Variants in ZNF804B observed in about 807,000 individuals in gnomAD.
ZNF804B encodes zinc finger 804B.
Under a neutral mutation model 101.4 loss-of-function variants are expected in ZNF804B, and 80 were observed. The ratio of observed to expected loss-of-function variants is 0.79; its 90% CI spans 0.66 to 0.95. ZNF804B has a LOEUF of 0.95. Ranked by LOEUF, ZNF804B falls within the 40% of genes least tolerant of loss-of-function variation. The pLI, the probability that ZNF804B is intolerant of heterozygous loss-of-function variation, is 0.00. For synonymous variants in ZNF804B, 622 were observed against 558.8 expected (o/e 1.11, Z -1.59); for missense variants, 1,673 against 1,561.9 (o/e 1.07, Z -1.20).
intron 1 of ZNF804B, among the ~76,000 whole-genome samples, chr7:88,786,454 G>A (rs574520825): frequency 6.6e-6 from 1 of 152,108 alleles, no homozygotes; most frequent in Non-Finnish European, 1.5e-5. Context: ...TCTCTTTACT[G>A]AATGCAGATA....
chr7:88,836,117 TG>T (rs1365159632), intron 1 of ZNF804B, among the ~76,000 whole-genome samples: 1 of 151,996 alleles, frequency 6.6e-6, no homozygotes, highest in African/African-American at 2.4e-5. Context: ...GGTGATCCTT[TG>T]ATCACCTCTG....
chr7:89,055,378 G>A (rs145354020), intron 1 of ZNF804B, among the ~76,000 whole-genome samples: 17 of 152,160 alleles, frequency 1.1e-4, no homozygotes, highest in South Asian at 6.2e-4. Context: ...ATAGCAAAAC[G>A]CTAAGATCTG....
chr7:89,317,930 C>A (rs1446128813), intron 2 of ZNF804B, among the ~76,000 whole-genome samples: 1 of 152,008 alleles, frequency 6.6e-6, no homozygotes, highest in Non-Finnish European at 1.5e-5. Flanking sequence ...AAGAAAATAA[C>A]CTATTTGAAG....
chr7:88,796,546 A>AC (rs1790488330), intron 1 of ZNF804B, among the ~76,000 whole-genome samples: 1 of 152,068 alleles, frequency 6.6e-6, no homozygotes, highest in Non-Finnish European at 1.5e-5. Context: ...GTCCATGTTG[A>AC]CCAGAGCCTT....
At chr7:88,796,501 C>G (rs1465989993) in intron 1 of ZNF804B, among the ~76,000 whole-genome samples, 1 of 152,142 alleles carries the variant, frequency 6.6e-6, no homozygotes, top group Non-Finnish European at 1.5e-5. Flanking sequence ...TATTATCTCA[C>G]TCTCATTCTT....
At chr7:89,196,898 C>A (rs1489178213) in intron 1 of ZNF804B, among the ~76,000 whole-genome samples, 3 of 152,026 alleles carry the variant, frequency 2.0e-5, no homozygotes, top group African/African-American at 7.2e-5. Flanking sequence ...TATAAAAATG[C>A]AGATCAAATC....
At chr7:88,922,838 A>G (rs1253153941) in intron 1 of ZNF804B, among the ~76,000 whole-genome samples, 5 of 152,056 alleles carry the variant, frequency 3.3e-5, no homozygotes, top group African/African-American at 1.2e-4. Context: ...TTTTAGTATA[A>G]TGATTTCAAT....
At chr7:89,325,764 G>A (rs549514909) in intron 2 of ZNF804B, among the ~76,000 whole-genome samples, 1 of 151,802 alleles carries the variant, frequency 6.6e-6, no homozygotes, top group African/African-American at 2.4e-5. Flanking sequence ...ATAATATGGG[G>A]TATTTATATT....
chr7:88,800,733 T>TGTGC (rs1562797542), intron 1 of ZNF804B, among the ~76,000 whole-genome samples: 1 of 140,750 alleles, frequency 7.1e-6, no homozygotes. Flanking sequence ...TGTGTGTGTG[T>TGTGC]GCTTAAAGCA....
chr7:89,308,706 C>T (rs1198589878), intron 2 of ZNF804B, among the ~76,000 whole-genome samples: 3 of 152,128 alleles, frequency 2.0e-5, no homozygotes, highest in Non-Finnish European at 4.4e-5. Context: ...GTTTCTCTAC[C>T]CATTGTTGGC....
chr7:88,889,203 C>A (rs1292056190), intron 1 of ZNF804B, among the ~76,000 whole-genome samples: 1 of 151,974 alleles, frequency 6.6e-6, no homozygotes, highest in Non-Finnish European at 1.5e-5. Flanking sequence ...TGATGGGCAC[C>A]GAGGTTGATT....
intron 1 of ZNF804B, among the ~76,000 whole-genome samples, chr7:89,112,105 C>CA (rs3060290): frequency 0.014 from 1,633 of 118,754 alleles, 48 homozygotes; most frequent in African/African-American, 0.036. Context: ...GACTCTATCT[C>CA]AAAAAAAAAA....
chr7:89,045,011 T>A (rs1342109511), intron 1 of ZNF804B, among the ~76,000 whole-genome samples: 1 of 151,958 alleles, frequency 6.6e-6, no homozygotes. Context: ...GAGGGAAAAA[T>A]GGTTTCCTGT....
intron 2 of ZNF804B, among the ~76,000 whole-genome samples, chr7:89,238,368 G>A (rs578103802): frequency 5.3e-5 from 8 of 152,156 alleles, no homozygotes; most frequent in African/African-American, 1.9e-4. Context: ...CTAAACTAAG[G>A]GTTGTGATCT....
At chr7:89,091,811 G>A (rs936024358) in intron 1 of ZNF804B, among the ~76,000 whole-genome samples, 1 of 152,150 alleles carries the variant, frequency 6.6e-6, no homozygotes, top group African/African-American at 2.4e-5. Flanking sequence ...ATGAGTTTCA[G>A]AGGTTTTCTT....
Position 89,100,769 on chromosome 7 carries a change from T to G in ZNF804B, c.109-117386T>G, listed in dbSNP as rs1211468937. Among the ~76,000 whole-genome samples the G allele has an allele frequency of 3.3e-5, 5 of 152,218 alleles. No individual in the cohort carries two copies. In the East Asian group the frequency reaches 9.7e-4, roughly 29 times the overall value. ...ATGAATATGTTCTATTTTAATCATTTTTCTTCAAACTTAAATTCATTAATG... is the reference window on the plus strand; with the variant it reads ...ATGAATATGTTCTATTTTAATCATTGTTCTTCAAACTTAAATTCATTAATG... On this transcript the variant is annotated intron_variant, in intron 1 of 3. Coordinates refer to ENST00000333190, the MANE Select transcript of ZNF804B (RefSeq NM_181646.5).
intron 1 of ZNF804B, among the ~76,000 whole-genome samples, chr7:88,995,107 A>C (rs891486389): frequency 6.6e-6 from 1 of 152,028 alleles, no homozygotes; most frequent in South Asian, 2.1e-4. Flanking sequence ...TCGCCTGCCT[A>C]TCTATTGCCA....
chr7:89,272,737 C>T (rs1283336543), intron 2 of ZNF804B, among the ~76,000 whole-genome samples: 4 of 151,998 alleles, frequency 2.6e-5, no homozygotes, highest in East Asian at 3.9e-4. Context: ...ATCTTTTTCC[C>T]TCTTATAGAT....
chr7:88,899,684 T>C (rs967913308), intron 1 of ZNF804B, among the ~76,000 whole-genome samples: 8 of 152,200 alleles, frequency 5.3e-5, no homozygotes, highest in African/African-American at 1.7e-4. Flanking sequence ...CAATTCCAAC[T>C]TACTTCAATT....
Sources: gnomAD v4.1 joint callset for allele counts (sites outside exome capture counted in the v4.1 genomes callset) on GRCh38, gnomAD v4.1.1 for gene constraint, MANE v1.5 for transcripts, NCBI Gene and HGNC (gene_info 2026-07-23, HGNC 2026-07-21) for gene names.